Variants in IQUB observed in about 807,000 individuals in gnomAD.
IQUB encodes the protein IQ motif and ubiquitin domain containing.
Under a neutral mutation model 86.4 loss-of-function variants are expected in IQUB, and 86 were observed. That is an observed-to-expected ratio of 1.00 (90% CI 0.84 to 1.19). The LOEUF is 1.19. IQUB is among the 50% of genes most tolerant of loss of function. The pLI, the probability that IQUB is intolerant of heterozygous loss-of-function variation, is 0.00. For missense variants in IQUB, 946 were observed against 916.9 expected (o/e 1.03, Z -0.41); for synonymous variants, 289 against 304.5 (o/e 0.95, Z 0.53).
Position 123,452,539 on chromosome 7 carries a change from G to T in IQUB, c.*204C>A. On this transcript the variant is annotated 3_prime_UTR_variant, in exon 13 of 13. Transcript: ENST00000324698. ...AAATATTAATTTCAGTAACAAAATT[G>T]CATTTCAATTTAGCACCAACTTCCT... 1 of 368,184 alleles carries T rather than the reference G, an allele frequency of 2.7e-6. No individual in the cohort carries two copies. The highest frequency in any genetic ancestry group is 4.8e-6 in the Non-Finnish European group (1 of 207,404). 22.8% of individuals were successfully genotyped at this position (368,184 alleles called of 1,614,324 possible).
At chr7:123,478,357 G>A (rs925343813) in intron 8 of IQUB, among the ~76,000 whole-genome samples, 1 of 152,066 alleles carries the variant, frequency 6.6e-6, no homozygotes, top group African/African-American at 2.4e-5. Context: ...TCACTTATAG[G>A]TGGGAAGTGA....
chr7:123,526,088 C>T (rs1426974389), intron 1 of IQUB, among the ~76,000 whole-genome samples: 3 of 148,688 alleles, frequency 2.0e-5, no homozygotes, highest in Non-Finnish European at 4.5e-5. Context: ...AATTTCTGTT[C>T]TTTTACATTT....
In IQUB at chr7:123,489,674, T is replaced by G. The variant is rs1795372791; in HGVS notation, c.1234+7022A>C. On this transcript the variant is annotated intron_variant, in intron 7 of 12. Transcript: ENST00000324698. ...GAGAAGCTCTGAAAGAAAATTAGTA[T>G]GCAAAAAGATACATATGAAGAAACT... is the stretch of plus-strand genomic sequence containing the variant. Among the ~76,000 whole-genome samples the G allele has an allele frequency of 4.0e-5, 6 of 151,452 alleles. No homozygotes were observed. The South Asian group carries it at 1.3e-3, about 32-fold the overall frequency.
rs201714151 is a variant in IQUB, at chr7:123,479,960, T to G, written c.1245A>C (p.Gln415His). 9.9e-6 allele frequency: 16 copies of G among 1,608,048 alleles called. No individual in the cohort carries two copies. In the Admixed American group the frequency reaches 2.2e-4, roughly 22 times the overall value. Reference protein sequence around the residue: ...FLYNALEFWRQEELTRINQSF... With the variant: ...FLYNALEFWRHEELTRINQSF... ...ATTGGTTAATACGTGTAAGTTCTTCTTGCCGCCAGACTAGAGGAATAACAC... is the reference window on the plus strand; with the variant it reads ...ATTGGTTAATACGTGTAAGTTCTTCGTGCCGCCAGACTAGAGGAATAACAC... Residue 415 changes from glutamine (Q) to histidine (H), a missense_variant, in exon 8 of 13, where the codon CAA (glutamine) becomes CAC (histidine). Physicochemically the swap from Gln to His is conservative, Grantham distance 24. Coordinates refer to ENST00000324698, the MANE Select transcript of IQUB (RefSeq NM_178827.5).
chr7:123,480,315 T>C (rs1563443051), intron 7 of IQUB, among the ~76,000 whole-genome samples: 1 of 152,120 alleles, frequency 6.6e-6, no homozygotes, highest in African/African-American at 2.4e-5. Flanking sequence ...AGAGAGTACT[T>C]GTCACAACGG....
chr7:123,502,984 C>T lies in IQUB; in HGVS notation c.827G>A (p.Arg276Lys), dbSNP rs1388500153. ...HNAGTQTVPK[R>K]IPERLSIFCR... is the part of the protein sequence containing the mutation. ...AAATATACTGAGTCTTTCGGGAATC[C>T]TTTTAGGTACAGTTTGTGTTCCAGC... is the stretch of plus-strand genomic sequence containing the variant. The change falls in exon 5 of 13, where the codon AGG (arginine) becomes AAG (lysine). Residue 276 changes from arginine (R) to lysine (K), a missense_variant. Transcript: ENST00000324698. 1.2e-6 allele frequency: 2 copies of T among 1,612,382 alleles called. No individual in the cohort carries two copies. The highest frequency in any genetic ancestry group is 1.7e-6 in the Non-Finnish European group (2 of 1,179,434).
In IQUB at chr7:123,462,764, C is replaced by T. The variant is rs373053909; in HGVS notation, c.1759-1159G>A. 2,382 of 447,730 alleles carry T rather than the reference C, an allele frequency of 5.3e-3. 63 individuals carry two copies. The highest frequency in any genetic ancestry group is 0.036 in the South Asian group (2,265 of 63,026). The allele number at this position is 447,730 out of a possible 1,614,324, so 27.7% of individuals were successfully genotyped here. On this transcript the variant is annotated intron_variant, in intron 10 of 12. Coordinates refer to ENST00000324698, the MANE Select transcript of IQUB (RefSeq NM_178827.5). ...TATATCAGTCAACCTCATGAAAACA[C>T]GTTAGCACACGTCTCCATTATAGAT...
intron 9 of IQUB, among the ~76,000 whole-genome samples, chr7:123,466,882 T>C (rs1794287486): frequency 6.6e-6 from 1 of 152,140 alleles, no homozygotes; most frequent in African/African-American, 2.4e-5. Flanking sequence ...CAAAATAGAC[T>C]GACCATGCAG....
At chr7:123,467,528 T>A (rs1794317649) in intron 9 of IQUB, among the ~76,000 whole-genome samples, 1 of 152,142 alleles carries the variant, frequency 6.6e-6, no homozygotes, top group African/African-American at 2.4e-5. Context: ...AGACCCAGGA[T>A]CCTGTGAGAG....
chr7:123,528,406 C>G (rs1797365531), intron 1 of IQUB, among the ~76,000 whole-genome samples: 1 of 152,202 alleles, frequency 6.6e-6, no homozygotes, highest in South Asian at 2.1e-4. Flanking sequence ...ATTTAATTCT[C>G]ACAGATGATA....
intron 1 of IQUB, among the ~76,000 whole-genome samples, chr7:123,523,042 T>C (rs562019489): frequency 7.9e-5 from 12 of 151,178 alleles, no homozygotes; most frequent in Non-Finnish European, 1.3e-4. Flanking sequence ...CTCATCATTT[T>C]TTATGGCTGC....
At position 123,469,265 on chromosome 7, in the gene IQUB, G is replaced by A. The variant is rs778756391; in HGVS notation, c.1530C>T (p.Ile510=). Residue 510 remains isoleucine, a synonymous_variant, in exon 9 of 13, where the codon ATC becomes ATT. Transcript: ENST00000324698. Reference sequence around the variant, plus strand: ...GCACATCCAGCCTCTCATCTTGGGAGATATTTTTCAGCATAATGCACTTAT... The same window carrying A: ...GCACATCCAGCCTCTCATCTTGGGAAATATTTTTCAGCATAATGCACTTAT... ...NIYKCIMLKN[I]SQDERLDVLL... 4 of 1,606,442 alleles carry A rather than the reference G, an allele frequency of 2.5e-6. No individual in the cohort carries two copies. In the Admixed American group the frequency reaches 6.8e-5, roughly 27 times the overall value.
intron 3 of IQUB, 131 bp downstream of exon 3, chr7:123,509,770 G>A: frequency 1.4e-6 from 1 of 732,408 alleles, no homozygotes; most frequent in Non-Finnish European, 2.3e-6. Flanking sequence ...TGTATTGAAT[G>A]AGTGAATGCA....
At chr7:123,461,251 AG>A (rs1214189285) in intron 11 of IQUB, 105 bp downstream of exon 11, 1 of 1,147,346 alleles carries the variant, frequency 8.7e-7, no homozygotes, top group African/African-American at 1.5e-5. Context: ...CTAGTGGAAT[AG>A]AGAGTCATTA....
At chr7:123,533,653 A>G (rs1797641981) in intron 1 of IQUB, among the ~76,000 whole-genome samples, 2 of 152,238 alleles carry the variant, frequency 1.3e-5, no homozygotes, top group African/African-American at 2.4e-5. Context: ...AAATATTGAT[A>G]GAAAACAACT....
chr7:123,503,173 C>G (rs1165523755), intron 4 of IQUB, 29 bp downstream of exon 4: 7 of 1,607,662 alleles, frequency 4.4e-6, no homozygotes, highest in Non-Finnish European at 5.9e-6. Flanking sequence ...CTCAAAAATA[C>G]TTTATCTAAA....
chr7:123,464,804 A>G, intron 10 of IQUB, 29 bp downstream of exon 10: 1 of 1,438,988 alleles, frequency 6.9e-7, no homozygotes, highest in Non-Finnish European at 9.3e-7. Flanking sequence ...GGATTTTGAA[A>G]CAGGAATATA....
chr7:123,490,152 A>G (rs910938713), intron 7 of IQUB, among the ~76,000 whole-genome samples: 2 of 151,978 alleles, frequency 1.3e-5, no homozygotes, highest in African/African-American at 2.4e-5. Context: ...GCCTACAAAA[A>G]ACACATTTTG....
intron 12 of IQUB, among the ~76,000 whole-genome samples, chr7:123,454,549 G>GAGAT (rs894801858): frequency 9.9e-5 from 15 of 152,150 alleles, no homozygotes; most frequent in African/African-American, 3.4e-4. Flanking sequence ...TTGCAACATG[G>GAGAT]AGATAGGGAT....
Sources: gnomAD v4.1 joint callset for allele counts (sites outside exome capture counted in the v4.1 genomes callset) on GRCh38, gnomAD v4.1.1 for gene constraint, MANE v1.5 for transcripts, NCBI Gene and HGNC (gene_info 2026-07-23, HGNC 2026-07-21) for gene names.